The following RHBDL2 variants were observed in gnomAD, a reference collection of about 807,000 sequenced individuals.
The protein encoded by RHBDL2 is rhomboid-related protein 2.
A neutral mutation model predicts 31.7 loss-of-function variants in RHBDL2; 26 were observed. That is an observed-to-expected ratio of 0.82 (90% confidence interval 0.60 to 1.14). RHBDL2 has a LOEUF of 1.14. RHBDL2 is among the 50% of genes most tolerant of loss of function. The probability of loss-of-function intolerance (pLI) is 0.00; values close to 1 mark genes in which losing one functional copy is unlikely to be tolerated. For missense variants in RHBDL2, 336 were observed against 364.4 expected (o/e 0.92, Z 0.63); for synonymous variants, 123 against 127.2 (o/e 0.97, Z 0.22).
At chr1:38,932,590 G>A (rs1473919968) in intron 1 of RHBDL2, among the ~76,000 whole-genome samples, 1 of 152,156 alleles carries the variant, frequency 6.6e-6, no homozygotes, top group Non-Finnish European at 1.5e-5. Context: ...CTCCCAAGTA[G>A]CTGGGACTAC....
At chr1:38,932,887 T>A (rs2124354009) in intron 1 of RHBDL2, among the ~76,000 whole-genome samples, 1 of 152,322 alleles carries the variant, frequency 6.6e-6, no homozygotes, top group Admixed American at 6.5e-5. Context: ...ACATTGTTCA[T>A]CTTTGTATTC....
At chr1:38,932,240 A>G (rs971443844) in intron 1 of RHBDL2, among the ~76,000 whole-genome samples, 1 of 152,060 alleles carries the variant, frequency 6.6e-6, no homozygotes, top group African/African-American at 2.4e-5. Flanking sequence ...TTTAAAAAAA[A>G]AAAAAGAAAA....
intron 1 of RHBDL2, among the ~76,000 whole-genome samples, chr1:38,928,673 C>T (rs1643406456): frequency 6.6e-6 from 1 of 151,860 alleles, no homozygotes; most frequent in Non-Finnish European, 1.5e-5. Context: ...CTCGAACTCC[C>T]TACCTCAGGT....
intron 6 of RHBDL2, among the ~76,000 whole-genome samples, chr1:38,890,708 T>A (rs1642843248): frequency 6.7e-6 from 1 of 148,428 alleles, no homozygotes; most frequent in Non-Finnish European, 1.5e-5. Flanking sequence ...TCATATGGAT[T>A]TTTTTTTTTT....
At chr1:38,894,898 G>A (rs1436789204) in intron 5 of RHBDL2, among the ~76,000 whole-genome samples, 1 of 151,552 alleles carries the variant, frequency 6.6e-6, no homozygotes, top group Non-Finnish European at 1.5e-5. Flanking sequence ...GTAGAGACGG[G>A]GTTTCACCAT....
At chr1:38,912,546 G>T (rs930893633) in intron 3 of RHBDL2, among the ~76,000 whole-genome samples, 1 of 151,876 alleles carries the variant, frequency 6.6e-6, no homozygotes, top group Admixed American at 6.6e-5. Context: ...CAGCAGCTGG[G>T]ACTACAGGCA....
At chr1:38,935,891 G>A (rs1451636530) in intron 1 of RHBDL2, among the ~76,000 whole-genome samples, 1 of 151,914 alleles carries the variant, frequency 6.6e-6, no homozygotes, top group African/African-American at 2.4e-5. Flanking sequence ...TGAGATGACA[G>A]GTATGAGCCA....
chr1:38,921,259 G>A (rs1278949247), intron 1 of RHBDL2, among the ~76,000 whole-genome samples: 2 of 152,196 alleles, frequency 1.3e-5, no homozygotes, highest in African/African-American at 4.8e-5. Flanking sequence ...GCACGTGCCT[G>A]TACTTCCAGC....
Position 38,894,584 on chromosome 1 carries a change from G to T in RHBDL2, c.610-1360C>A, listed in dbSNP as rs191877803. Among the ~76,000 whole-genome samples, 51 of 151,850 alleles carry T rather than the reference G, an allele frequency of 3.4e-4. 1 individual carries two copies. The highest frequency in any genetic ancestry group is 1.2e-3 in the African/African-American group (51 of 41,378). On this transcript the variant is annotated intron_variant, in intron 5 of 7. Transcript: ENST00000372990. The stretch of plus-strand genomic sequence containing the variant: ...GATCCGCCCACCTCAGCCTCCCAAA[G>T]TGCTGGGATTACAGGCATGAGCCAC...
chr1:38,940,475 G>A (rs1179117993), intron 1 of RHBDL2, among the ~76,000 whole-genome samples: 1 of 152,116 alleles, frequency 6.6e-6, no homozygotes, highest in Non-Finnish European at 1.5e-5. Flanking sequence ...CCAAATCACT[G>A]GGAGCGAGCC....
At chr1:38,938,808 A>C (rs1021482459) in intron 1 of RHBDL2, among the ~76,000 whole-genome samples, 68 of 152,208 alleles carry the variant, frequency 4.5e-4, no homozygotes, top group African/African-American at 1.6e-3. Flanking sequence ...TTGCATCTAG[A>C]GCATCAATGT....
At chr1:38,916,693 C>CAAAAAAAAA (rs1286281973) in intron 2 of RHBDL2, among the ~76,000 whole-genome samples, 1 of 134,584 alleles carries the variant, frequency 7.4e-6, no homozygotes, top group African/African-American at 2.7e-5. Flanking sequence ...ACTAAAAATA[C>CAAAAAAAAA]AAAAAAAACA....
intron 5 of RHBDL2, among the ~76,000 whole-genome samples, 160 bp downstream of exon 5, chr1:38,895,809 A>G (rs1466219792): frequency 6.6e-6 from 1 of 152,226 alleles, no homozygotes; most frequent in Non-Finnish European, 1.5e-5. Context: ...TCTCAAAAAA[A>G]AAGAAAGAAA....
chr1:38,932,190 G>A (rs1643446259), intron 1 of RHBDL2, among the ~76,000 whole-genome samples: 1 of 151,810 alleles, frequency 6.6e-6, no homozygotes, highest in Admixed American at 6.6e-5. Flanking sequence ...ACAAAAGTAG[G>A]AGTCTCTCTG....
At chr1:38,923,457 G>C (rs1022707510) in intron 1 of RHBDL2, among the ~76,000 whole-genome samples, 2 of 152,136 alleles carry the variant, frequency 1.3e-5, no homozygotes, top group African/African-American at 4.8e-5. Context: ...TGGGTCCAAG[G>C]TTTCCCTCCC....
chr1:38,915,766 A>G, intron 2 of RHBDL2, 56 bp from the exon 3 acceptor site: 3 of 1,580,084 alleles, frequency 1.9e-6, no homozygotes, highest in Non-Finnish European at 2.6e-6. Flanking sequence ...GAGGGGCCCC[A>G]TCCAAGCCCG....
At chr1:38,930,656 A>G (rs1422145872) in intron 1 of RHBDL2, among the ~76,000 whole-genome samples, 3 of 152,132 alleles carry the variant, frequency 2.0e-5, no homozygotes, top group Admixed American at 2.0e-4. Flanking sequence ...CAGACACACT[A>G]TTTACATGAG....
chr1:38,937,399 T>A (rs1643522321), intron 1 of RHBDL2, among the ~76,000 whole-genome samples: 1 of 152,140 alleles, frequency 6.6e-6, no homozygotes, highest in Non-Finnish European at 1.5e-5. Flanking sequence ...CCTTGTTCAA[T>A]GAATTTGGGA....
intron 1 of RHBDL2, among the ~76,000 whole-genome samples, chr1:38,934,931 C>G (rs1313414450): frequency 6.7e-6 from 1 of 148,302 alleles, no homozygotes; most frequent in Non-Finnish European, 1.5e-5. Context: ...GCACTCCAGC[C>G]TGGGTGACAA....
Sources: gnomAD v4.1 joint callset for allele counts (sites outside exome capture counted in the v4.1 genomes callset) on GRCh38, gnomAD v4.1.1 for gene constraint, MANE v1.5 for transcripts, NCBI Gene and HGNC (gene_info 2026-07-23, HGNC 2026-07-21) for gene names.